ZNF215: variants seen among roughly 807,000 people sequenced by gnomAD.
ZNF215 encodes zinc finger protein 215, also known as BWSCR2-associated zinc finger protein 2.
Under a neutral mutation model 27.2 loss-of-function variants are expected in ZNF215, and 24 were observed. That is an observed-to-expected ratio of 0.88 (90% CI 0.64 to 1.24). The LOEUF (loss-of-function observed/expected upper bound fraction) is 1.24. Ranked by LOEUF, ZNF215 falls within the 50% of genes most tolerant of loss-of-function variation. The pLI is 0.00. For missense variants in ZNF215, 675 were observed against 605.7 expected, an observed-to-expected ratio of 1.11 and a Z score of -1.20; for synonymous variants, 210 against 204.0, an observed-to-expected ratio of 1.03 and a Z score of -0.25.
intron 6 of ZNF215, among the ~76,000 whole-genome samples, chr11:6,953,561 C>T (rs946478977): frequency 6.6e-6 from 1 of 152,214 alleles, no homozygotes; most frequent in Non-Finnish European, 1.5e-5. Context: ...TCACATAGTT[C>T]TCGAGCCTTG....
intron 5 of ZNF215, among the ~76,000 whole-genome samples, chr11:6,979,162 T>A (rs1327494582): frequency 1.3e-5 from 2 of 152,078 alleles, no homozygotes; most frequent in African/African-American, 4.8e-5. Context: ...TTATTGTCTC[T>A]CACCCCCAGT....
chr11:6,948,241 AC>A (rs1469803392), intron 6 of ZNF215, among the ~76,000 whole-genome samples: 1 of 151,904 alleles, frequency 6.6e-6, no homozygotes, highest in African/African-American at 2.4e-5. Context: ...TCATAATAAG[AC>A]CCCCAGAGTC....
At chr11:6,942,344 C>T (rs902125904) in intron 4 of ZNF215, among the ~76,000 whole-genome samples, 1 of 152,070 alleles carries the variant, frequency 6.6e-6, no homozygotes, top group African/African-American at 2.4e-5. Flanking sequence ...TGGTGTGATA[C>T]AGGAGGGAAT....
chr11:6,944,026 A>G (rs911843359), intron 6 of ZNF215, among the ~76,000 whole-genome samples: 11 of 152,224 alleles, frequency 7.2e-5, no homozygotes, highest in African/African-American at 2.7e-4. Flanking sequence ...CTGTAATCCC[A>G]GCACTTTGGA....
rs757115785 is a variant in ZNF215 at position 6,978,548 on chromosome 11, TTGAAA to T, written c.806-5577_806-5573del. Among the ~76,000 whole-genome samples, 48 of 152,070 alleles carry T rather than the reference TTGAAA, an allele frequency of 3.2e-4. 1 individual carries two copies. Among genetic ancestry groups the T allele is most frequent in the Non-Finnish European group, 4.4e-5 (3 of 67,988 alleles). On this transcript the variant is annotated intron_variant, in intron 5 of 5. Transcript: ENST00000529903. Reference sequence around the variant, plus strand: ...AGCATACTGATGTCTCTAGTTTCACTTGAAATGATTGAAAAATATGGATTGATGGA... The same window carrying T: ...AGCATACTGATGTCTCTAGTTTCACTTGATTGAAAAATATGGATTGATGGA...
At position 6,978,971 on chromosome 11, in the gene ZNF215, T is replaced by C. The variant is rs550866882; in HGVS notation, c.806-5158T>C. 2.0e-5 allele frequency among the ~76,000 whole-genome samples: 3 copies of C among 151,970 alleles called. No homozygotes were observed. The South Asian group carries it at 6.2e-4, about 32-fold the overall frequency. On this transcript the variant is annotated intron_variant, in intron 5 of 5. Transcript: ENST00000529903. The stretch of plus-strand genomic sequence containing the variant: ...CAGCTCTATCACTGCTAAGATAGAG[T>C]TGCTGCCTAACAGCAGCACTTCTGC...
chr11:6,966,319 C>T (rs1340629894), intron 5 of ZNF215, among the ~76,000 whole-genome samples: 1 of 151,954 alleles, frequency 6.6e-6, no homozygotes, highest in African/African-American at 2.4e-5. Context: ...AGACATCGGG[C>T]CTAGCTGAGG....
chr11:6,932,326 A>G lies in ZNF215; in HGVS notation c.54A>G (p.Leu18=), dbSNP rs765081139. 1.4e-5 allele frequency: 22 copies of G among 1,614,056 alleles called. No individual in the cohort carries two copies. Among genetic ancestry groups the G allele is most frequent in the Non-Finnish European group, 1.9e-5 (22 of 1,180,042 alleles). ...TCTCAAAACCTCGAAACCTGTCTCT[A>G]CGTGAACAAAGAGAGGTTCTGAGAG... ...MAISKPRNLS[L]REQREVLRAD... is the part of the protein sequence containing the mutation. The change falls in exon 3 of 7, where the codon CTA becomes CTG. Residue 18 remains leucine, a synonymous_variant. Coordinates refer to ENST00000278319, the MANE Select transcript of ZNF215 (RefSeq NM_013250.4).
At chr11:6,937,345 C>T (rs1849472181) in intron 3 of ZNF215, among the ~76,000 whole-genome samples, 1 of 151,830 alleles carries the variant, frequency 6.6e-6, no homozygotes, top group Non-Finnish European at 1.5e-5. Context: ...GACTTGTCTG[C>T]TGAAAAGTAC....
chr11:6,993,455 T>C (rs961832954), downstream of ZNF215, among the ~76,000 whole-genome samples: 2 of 152,202 alleles, frequency 1.3e-5, no homozygotes, highest in African/African-American at 4.8e-5. Context: ...TGCAGTAAGA[T>C]TGACAATTTT....
chr11:6,949,970 C>T (rs971476407), intron 6 of ZNF215, among the ~76,000 whole-genome samples: 34 of 152,032 alleles, frequency 2.2e-4, no homozygotes, highest in African/African-American at 8.2e-4. Flanking sequence ...GATTTCCCAG[C>T]ACCATTTATT....
At position 6,956,716 on chromosome 11, in the gene ZNF215, T is replaced by A; in HGVS notation, c.*185T>A. The A allele has an allele frequency of 7.2e-7, 1 of 1,379,948 alleles. No homozygotes were observed. The highest frequency in any genetic ancestry group is 9.3e-7 in the Non-Finnish European group (1 of 1,074,424). The allele number at this position is 1,379,948 out of a possible 1,614,324, so 85.5% of individuals were successfully genotyped here. On this transcript the variant is annotated 3_prime_UTR_variant, in exon 7 of 7. Coordinates refer to ENST00000278319, the MANE Select transcript of ZNF215 (RefSeq NM_013250.4). ...TGGATAGAAATCTGTTTGAAGGAAT[T>A]TTCCTGGTTTTCAGATGAAGCCATA...
chr11:6,947,179 CAT>C (rs1338844995), intron 6 of ZNF215, among the ~76,000 whole-genome samples: 9 of 152,170 alleles, frequency 5.9e-5, no homozygotes, highest in Non-Finnish European at 1.2e-4. Context: ...ATTCTACTTT[CAT>C]CTATCTCCTC....
intron 3 of ZNF215, among the ~76,000 whole-genome samples, chr11:6,934,448 A>G (rs1849367818): frequency 6.6e-6 from 1 of 152,152 alleles, no homozygotes; most frequent in Admixed American, 6.5e-5. Context: ...ACATGAATAT[A>G]TTATTCTACA....
At chr11:6,971,924 A>G (rs1293277521) in intron 5 of ZNF215, among the ~76,000 whole-genome samples, 2 of 152,204 alleles carry the variant, frequency 1.3e-5, no homozygotes, top group Non-Finnish European at 2.9e-5. Context: ...GAGTACTTAC[A>G]GAATAGCTAA....
intron 3 of ZNF215, 130 bp downstream of exon 3, chr11:6,932,802 C>T: frequency 1.2e-6 from 1 of 845,434 alleles, no homozygotes; most frequent in Non-Finnish European, 1.8e-6. Context: ...ATTAGGAAGC[C>T]TTGACTTTAT....
At chr11:6,948,603 A>T (rs1242919376) in intron 6 of ZNF215, among the ~76,000 whole-genome samples, 1 of 152,138 alleles carries the variant, frequency 6.6e-6, no homozygotes, top group Non-Finnish European at 1.5e-5. Context: ...TCAAGTGGAG[A>T]TGTCCTAGAA....
intron 5 of ZNF215, among the ~76,000 whole-genome samples, chr11:6,963,163 T>C (rs995204680): frequency 6.6e-6 from 1 of 152,100 alleles, no homozygotes; most frequent in African/African-American, 2.4e-5. Flanking sequence ...CCATAATCCA[T>C]ATATAGGACA....
downstream of ZNF215, among the ~76,000 whole-genome samples, chr11:6,958,902 A>G (rs988225224): frequency 2.6e-5 from 4 of 152,220 alleles, no homozygotes; most frequent in South Asian, 2.1e-4. Flanking sequence ...AGTCGTTCCA[A>G]TTTCTCCTGC....
Sources: allele counts gnomAD v4.1 joint callset (sites outside exome capture counted in the v4.1 genomes callset), GRCh38; gene constraint gnomAD v4.1.1; transcripts MANE v1.5; gene names NCBI Gene and HGNC (gene_info 2026-07-23, HGNC 2026-07-21).